Variants in DPP10 observed in about 807,000 individuals in gnomAD.
The protein encoded by DPP10 is dipeptidyl peptidase like 10.
DPP10 carries 33 observed loss-of-function variants against 120.9 expected under a neutral mutation model. The ratio of observed to expected loss-of-function variants is 0.27; its 90% CI spans 0.21 to 0.37. The LOEUF is 0.37. Among genes scored for constraint, DPP10 ranks in the 10% least tolerant of loss-of-function variants. The pLI is 1.00. For missense variants in DPP10, 816 were observed against 942.8 expected, an observed-to-expected ratio of 0.87 and a Z score of 1.76; for synonymous variants, 337 against 326.1, an observed-to-expected ratio of 1.03 and a Z score of -0.36.
chr2:115,468,048 CTT>C (rs1261555567), intron 3 of DPP10: 1 of 378,156 alleles, frequency 2.6e-6, no homozygotes, highest in Non-Finnish European at 5.1e-6. Flanking sequence ...TAAAGGGAAG[CTT>C]TTACAATGTC....
intron 19 of DPP10, among the ~76,000 whole-genome samples, chr2:115,795,294 T>A (rs1684413773): frequency 6.6e-6 from 1 of 152,196 alleles, no homozygotes; most frequent in South Asian, 2.1e-4. Context: ...TCCCATTTTC[T>A]ACTTTTTCAT....
chr2:114,925,598 T>A (rs1023987878), intron 1 of DPP10, among the ~76,000 whole-genome samples: 1 of 152,164 alleles, frequency 6.6e-6, no homozygotes, highest in Admixed American at 6.5e-5. Flanking sequence ...AAAACACTTC[T>A]AGTAGCATCC....
intron 1 of DPP10, among the ~76,000 whole-genome samples, chr2:115,182,860 T>C (rs2054168405): frequency 6.6e-6 from 1 of 152,172 alleles, no homozygotes; most frequent in Non-Finnish European, 1.5e-5. Flanking sequence ...CTTTTTCTTC[T>C]TTTGTTGTCA....
intron 5 of DPP10, among the ~76,000 whole-genome samples, chr2:115,575,222 T>G (rs1322023966): frequency 1.3e-5 from 2 of 152,206 alleles, no homozygotes; most frequent in Non-Finnish European, 2.9e-5. Context: ...AAACTGTTCA[T>G]AGTCAGATTT....
chr2:114,739,021 C>A (rs1428028977), intron 1 of DPP10, among the ~76,000 whole-genome samples: 1 of 152,116 alleles, frequency 6.6e-6, no homozygotes, highest in Non-Finnish European at 1.5e-5. Context: ...TTCAACTCAT[C>A]CCCTATTTAC....
At chr2:115,318,395 T>A (rs1483307020) in intron 2 of DPP10, among the ~76,000 whole-genome samples, 1 of 152,130 alleles carries the variant, frequency 6.6e-6, no homozygotes, top group East Asian at 1.9e-4. Context: ...TATATTGCTT[T>A]GCTATGAAGA....
At chr2:114,622,162 G>C (rs1342684622) in intron 1 of DPP10, among the ~76,000 whole-genome samples, 1 of 151,958 alleles carries the variant, frequency 6.6e-6, no homozygotes, top group Non-Finnish European at 1.5e-5. Flanking sequence ...CATTGGCCTT[G>C]AAGAAAACTA....
chr2:115,463,785 C>T (rs1024700539), intron 3 of DPP10, among the ~76,000 whole-genome samples: 4 of 152,238 alleles, frequency 2.6e-5, no homozygotes, highest in African/African-American at 9.6e-5. Flanking sequence ...ACCTCCTTAC[C>T]CTAAAGTGGC....
chr2:115,781,977 A>G (rs1284457252), intron 16 of DPP10, among the ~76,000 whole-genome samples: 5 of 152,016 alleles, frequency 3.3e-5, no homozygotes, highest in African/African-American at 1.2e-4. Flanking sequence ...GGCAAATAGA[A>G]TTTGATCTTG....
intron 1 of DPP10, among the ~76,000 whole-genome samples, chr2:114,790,507 C>CT (rs1304246552): frequency 6.6e-6 from 1 of 152,092 alleles, no homozygotes; most frequent in Non-Finnish European, 1.5e-5. Flanking sequence ...ACCAAACAGG[C>CT]TTTGTGTGAG....
intron 1 of DPP10, among the ~76,000 whole-genome samples, chr2:114,973,477 C>T (rs1380298672): frequency 7.3e-5 from 11 of 151,244 alleles, no homozygotes; most frequent in African/African-American, 2.2e-4. Context: ...CTGGCTAACA[C>T]GGTGAAACCC....
chr2:114,750,625 TC>T (rs778084535), intron 1 of DPP10, among the ~76,000 whole-genome samples: 25 of 152,078 alleles, frequency 1.6e-4, no homozygotes, highest in Non-Finnish European at 3.2e-4. Context: ...GAGCCACCGC[TC>T]CCAGCCACAT....
At chr2:114,601,822 A>C (rs1257365190) in intron 1 of DPP10, among the ~76,000 whole-genome samples, 1 of 151,986 alleles carries the variant, frequency 6.6e-6, no homozygotes, top group East Asian at 1.9e-4. Flanking sequence ...TGGTGTCATT[A>C]CTTCATAGTT....
At chr2:114,608,161 T>A (rs367623863) in intron 1 of DPP10, among the ~76,000 whole-genome samples, 1 of 152,180 alleles carries the variant, frequency 6.6e-6, no homozygotes, top group African/African-American at 2.4e-5. Context: ...GAGTGAGATG[T>A]TGGCCCTTAT....
chr2:114,800,547 C>T (rs948557063), intron 1 of DPP10, among the ~76,000 whole-genome samples: 1 of 152,010 alleles, frequency 6.6e-6, no homozygotes, highest in Non-Finnish European at 1.5e-5. Flanking sequence ...TCTGACAGAC[C>T]CATGAAAATA....
intron 1 of DPP10, among the ~76,000 whole-genome samples, chr2:115,225,193 A>G (rs1574072749): frequency 1.3e-5 from 2 of 152,172 alleles, no homozygotes; most frequent in East Asian, 3.8e-4. Context: ...AAAGGAGGCC[A>G]GCGAGAAAGC....
chr2:114,726,075 A>G (rs1702028132), intron 1 of DPP10, among the ~76,000 whole-genome samples: 1 of 152,002 alleles, frequency 6.6e-6, no homozygotes, highest in Admixed American at 6.5e-5. Flanking sequence ...TACTAAAAAT[A>G]CAAAAAAAAA....
intron 11 of DPP10, among the ~76,000 whole-genome samples, chr2:115,757,172 A>C (rs1047120721): frequency 6.6e-6 from 1 of 152,070 alleles, no homozygotes; most frequent in Admixed American, 6.6e-5. Flanking sequence ...AAGAAAGAGA[A>C]CATTTCAACT....
At chr2:115,614,900 T>G (rs951738135) in intron 5 of DPP10, among the ~76,000 whole-genome samples, 1 of 152,108 alleles carries the variant, frequency 6.6e-6, no homozygotes, top group African/African-American at 2.4e-5. Context: ...TTGAGTGAAA[T>G]AAGTATTAAA....
Sources: allele counts gnomAD v4.1 joint callset (sites outside exome capture counted in the v4.1 genomes callset), GRCh38; gene constraint gnomAD v4.1.1; transcripts MANE v1.5; gene names NCBI Gene and HGNC (gene_info 2026-07-23, HGNC 2026-07-21).